The following AK5 variants were observed in gnomAD, a reference collection of about 807,000 sequenced individuals.
AK5 encodes the protein adenylate kinase isoenzyme 5.
Under a neutral mutation model 69.5 loss-of-function variants are expected in AK5, and 27 were observed. The ratio of observed to expected loss-of-function variants is 0.39; its 90% CI spans 0.29 to 0.54. AK5 has a LOEUF of 0.54. Among genes scored for constraint, AK5 ranks in the 20% least tolerant of loss-of-function variants. The pLI is 0.71. For synonymous variants in AK5, 260 were observed against 244.4 expected, an observed-to-expected ratio of 1.06 and a Z score of -0.60; for missense variants, 531 against 700.4, an observed-to-expected ratio of 0.76 and a Z score of 2.73.
At chr1:77,554,578 GTTT>G (rs1001585317) in intron 13 of AK5, among the ~76,000 whole-genome samples, 1 of 152,008 alleles carries the variant, frequency 6.6e-6, no homozygotes, top group Non-Finnish European at 1.5e-5. Flanking sequence ...CCTTTCTGCA[GTTT>G]TTTTGTTTTA....
At chr1:77,355,052 C>T (rs545110780) in intron 6 of AK5, among the ~76,000 whole-genome samples, 9 of 152,064 alleles carry the variant, frequency 5.9e-5, no homozygotes, top group Non-Finnish European at 8.8e-5. Context: ...TTTACCAAAG[C>T]TTTATTTAGA....
chr1:77,311,966 T>C (rs1659983719), intron 5 of AK5, among the ~76,000 whole-genome samples: 1 of 152,156 alleles, frequency 6.6e-6, no homozygotes, highest in African/African-American at 2.4e-5. Context: ...AGCCCACTAA[T>C]GAGCACAACC....
intron 6 of AK5, among the ~76,000 whole-genome samples, chr1:77,404,111 G>T (rs1246277249): frequency 6.6e-6 from 1 of 152,108 alleles, no homozygotes. Context: ...TCTGTTATTG[G>T]TGTATAAGAA....
intron 8 of AK5, among the ~76,000 whole-genome samples, chr1:77,453,234 T>C (rs916129991): frequency 2.0e-5 from 3 of 152,232 alleles, no homozygotes; most frequent in African/African-American, 7.2e-5. Context: ...AGAAAGCAAG[T>C]ACTTTTCTCT....
chr1:77,412,008 C>T (rs72681605), intron 7 of AK5, among the ~76,000 whole-genome samples: 9 of 152,304 alleles, frequency 5.9e-5, no homozygotes, highest in Non-Finnish European at 1.2e-4. Flanking sequence ...GAAAACATGA[C>T]TACTGCTGCT....
At chr1:77,399,833 T>C (rs1467366874) in intron 6 of AK5, among the ~76,000 whole-genome samples, 1 of 152,212 alleles carries the variant, frequency 6.6e-6, no homozygotes, top group Non-Finnish European at 1.5e-5. Flanking sequence ...AGAAGGCTGC[T>C]GTGGGGTGCA....
chr1:77,294,787 T>C (rs545678457), intron 3 of AK5, among the ~76,000 whole-genome samples: 12 of 152,126 alleles, frequency 7.9e-5, no homozygotes, highest in Non-Finnish European at 1.3e-4. Flanking sequence ...AAAATTCCTT[T>C]TTGGTCAAGG....
At position 77,295,088 on chromosome 1, in the gene AK5, C is replaced by T. The variant is rs981925709; in HGVS notation, c.415+1128C>T. On this transcript the variant is annotated intron_variant, in intron 3 of 13. Coordinates refer to ENST00000354567, the MANE Select transcript of AK5 (RefSeq NM_174858.3). The stretch of plus-strand genomic sequence containing the variant: ...AAAATCTATAACAATCATGAAGAGA[C>T]CTGTGAACATGCAACATGTAGTCAT... Among the ~76,000 whole-genome samples, 7 of 152,252 alleles carry T rather than the reference C, an allele frequency of 4.6e-5. No homozygotes were observed. The South Asian group carries it at 1.5e-3, about 32-fold the overall frequency.
intron 6 of AK5, among the ~76,000 whole-genome samples, chr1:77,349,078 A>T (rs1242395548): frequency 6.6e-6 from 1 of 152,186 alleles, no homozygotes; most frequent in Non-Finnish European, 1.5e-5. Flanking sequence ...AAAAAGAATA[A>T]GCATTTAAGG....
At position 77,559,489 on chromosome 1, in the gene AK5, A is replaced by AT. The variant is rs1219391610; in HGVS notation, c.*822dup. On this transcript the variant is annotated 3_prime_UTR_variant, in exon 14 of 14. Coordinates refer to ENST00000354567, the MANE Select transcript of AK5 (RefSeq NM_174858.3). ...AACTTAAAAGCATGAGATATTTGCT[A>AT]TTTCATTCATTGGGCACATATCAAA... is the stretch of plus-strand genomic sequence containing the variant. 2 of 152,110 alleles carry AT rather than the reference A, an allele frequency of 1.3e-5. No individual in the cohort carries two copies. Among genetic ancestry groups the AT allele is most frequent in the African/African-American group, 4.8e-5 (2 of 41,442 alleles). 9.4% of individuals were successfully genotyped at this position (152,110 alleles called of 1,614,324 possible). A position where few individuals can be genotyped will look rare whatever the true frequency, so the allele number is the denominator to read the frequency against.
At chr1:77,522,076 T>C (rs1658022114) in intron 12 of AK5, 133 bp downstream of exon 12, 1 of 670,986 alleles carries the variant, frequency 1.5e-6, no homozygotes, top group Non-Finnish European at 2.4e-6. Context: ...TGACTCAAAC[T>C]AGAAATTTAA....
At chr1:77,314,875 A>G (rs1660164890) in intron 5 of AK5, 1 of 152,160 alleles carries the variant, frequency 6.6e-6, no homozygotes, top group Admixed American at 6.5e-5. Flanking sequence ...TCTCAGGAGA[A>G]GATGAGAGCT....
chr1:77,548,262 C>T (rs1167740996), intron 13 of AK5, among the ~76,000 whole-genome samples: 1 of 152,160 alleles, frequency 6.6e-6, no homozygotes, highest in Admixed American at 6.5e-5. Flanking sequence ...ATATAGTCCT[C>T]CTTCTTTCTA....
At chr1:77,475,503 TTATA>T (rs369359291) in intron 8 of AK5, among the ~76,000 whole-genome samples, 14 of 71,238 alleles carry the variant, frequency 2.0e-4, no homozygotes, top group Non-Finnish European at 3.1e-4. Context: ...CAAATATATA[TTATA>T]TATATATGTA....
At position 77,287,763 on chromosome 1, in the gene AK5, C is replaced by T. The variant is rs140567507; in HGVS notation, c.247+636C>T. Among the ~76,000 whole-genome samples, 25 of 152,280 alleles carry T rather than the reference C, an allele frequency of 1.6e-4. 1 individual carries two copies. In the East Asian group the frequency reaches 4.4e-3, roughly 27 times the overall value. ...AAAAAGGGAAATGATGTATAGATATCGGAAGTGAGGTACAGAATGGCTGGA... is the reference window on the plus strand; with the variant it reads ...AAAAAGGGAAATGATGTATAGATATTGGAAGTGAGGTACAGAATGGCTGGA... On this transcript the variant is annotated intron_variant, in intron 2 of 13. Coordinates refer to ENST00000354567, the MANE Select transcript of AK5 (RefSeq NM_174858.3).
chr1:77,441,960 TG>T (rs951752511), intron 8 of AK5, among the ~76,000 whole-genome samples: 1 of 152,052 alleles, frequency 6.6e-6, no homozygotes, highest in African/African-American at 2.4e-5. Flanking sequence ...TCCAGGAGGT[TG>T]GGTTGTAGCT....
At chr1:77,353,339 A>G (rs1343295384) in intron 6 of AK5, among the ~76,000 whole-genome samples, 2 of 152,074 alleles carry the variant, frequency 1.3e-5, no homozygotes, top group Non-Finnish European at 2.9e-5. Flanking sequence ...TTAGGCAGGC[A>G]TGGTGTTCCA....
intron 5 of AK5, among the ~76,000 whole-genome samples, chr1:77,332,575 T>C (rs1448227796): frequency 1.3e-5 from 2 of 148,862 alleles, no homozygotes; most frequent in Non-Finnish European, 3.0e-5. Flanking sequence ...ACATGGGGAT[T>C]TTCTAGTTAT....
At chr1:77,456,150 C>G (rs1329913183) in intron 8 of AK5, among the ~76,000 whole-genome samples, 4 of 152,112 alleles carry the variant, frequency 2.6e-5, no homozygotes, top group Non-Finnish European at 4.4e-5. Flanking sequence ...AGTGGAAGCC[C>G]CTAAAACAGC....
Sources: allele counts gnomAD v4.1 joint callset (sites outside exome capture counted in the v4.1 genomes callset), GRCh38; gene constraint gnomAD v4.1.1; transcripts MANE v1.5; gene names NCBI Gene and HGNC (gene_info 2026-07-23, HGNC 2026-07-21).